NLRP13: variants seen among roughly 807,000 people sequenced by gnomAD.
NLRP13 encodes the protein NACHT, LRR and PYD domains-containing protein 13.
NLRP13 carries 82 observed loss-of-function variants against 94.4 expected under a neutral mutation model. The ratio of observed to expected loss-of-function variants is 0.87; its 90% CI spans 0.73 to 1.04. NLRP13 has a LOEUF of 1.04. Among genes scored for constraint, NLRP13 ranks in the 50% least tolerant of loss-of-function variants. The pLI, the probability that NLRP13 is intolerant of heterozygous loss-of-function variation, is 0.00. For missense variants in NLRP13, 1,426 were observed against 1,230.8 expected (o/e 1.16, Z -2.37); for synonymous variants, 553 against 464.7 (o/e 1.19, Z -2.45).
intron 9 of NLRP13, among the ~76,000 whole-genome samples, chr19:55,899,438 G>A (rs990751880): frequency 2.0e-5 from 3 of 152,020 alleles, no homozygotes; most frequent in African/African-American, 4.8e-5. Context: ...ACAAGGAAGC[G>A]ACAGGAGGAG....
intron 4 of NLRP13, among the ~76,000 whole-genome samples, chr19:55,920,743 C>T (rs73611412): frequency 0.036 from 5,473 of 152,010 alleles, 311 homozygotes; most frequent in African/African-American, 0.13. Context: ...CAAACAGTAT[C>T]ACTATTGGGT....
chr19:55,892,555 G>A (rs1253964392), downstream of NLRP13, among the ~76,000 whole-genome samples: 1 of 152,046 alleles, frequency 6.6e-6, no homozygotes, highest in Non-Finnish European at 1.5e-5. Flanking sequence ...CTGAATAGCT[G>A]GGATTATAGG....
chr19:55,931,217 C>T (rs1291846202), intron 1 of NLRP13, among the ~76,000 whole-genome samples: 2 of 152,082 alleles, frequency 1.3e-5, no homozygotes, highest in South Asian at 2.1e-4. Flanking sequence ...GAGGTACATG[C>T]CTGTGTGCAT....
At chr19:55,895,416 C>T (rs1300136875), downstream of NLRP13, among the ~76,000 whole-genome samples, 2 of 151,194 alleles carry the variant, frequency 1.3e-5, no homozygotes, top group East Asian at 2.0e-4. Flanking sequence ...GGCATGGTGG[C>T]TCATGCCTGT....
chr19:55,898,903 C>T lies in NLRP13; in HGVS notation c.2824G>A (p.Gly942Arg). The T allele has an allele frequency of 1.2e-6, 2 of 1,609,986 alleles. No homozygotes were observed. The highest frequency in any genetic ancestry group is 1.3e-5 in the African/African-American group (1 of 74,838). ...TGGCTGAGGGCATTAGCCAGCTCTCCACAGCCCTCTCTTGTGAAAGAACAA... is the reference window on the plus strand; with the variant it reads ...TGGCTGAGGGCATTAGCCAGCTCTCTACAGCCCTCTCTTGTGAAAGAACAA... ...SGCSFTREGC[G>R]ELANALSHNH... Residue 942 changes from glycine to arginine, a missense_variant, in exon 10 of 11, where the codon GGA becomes AGA. Physicochemically the swap from Gly to Arg is moderately radical, Grantham distance 125 (BLOSUM62 -2). Coordinates refer to ENST00000342929, the MANE Select transcript of NLRP13 (RefSeq NM_176810.2).
chr19:55,904,029 T>G (rs1986265972), intron 8 of NLRP13, among the ~76,000 whole-genome samples: 1 of 152,174 alleles, frequency 6.6e-6, no homozygotes, highest in South Asian at 2.1e-4. Flanking sequence ...TGCCATCTCC[T>G]ACCACTATCA....
At position 55,897,673 on chromosome 19, in the gene NLRP13, G is replaced by A. The variant is rs150809662; in HGVS notation, c.2957+1097C>T. ...TCTTAAATTTGGCACTGCAGATAAC[G>A]TTAACCTATTCATGTTTCTTTCAGG... On this transcript the variant is annotated intron_variant, in intron 10 of 10. Transcript: ENST00000342929. 4.0e-3 allele frequency among the ~76,000 whole-genome samples: 609 copies of A among 152,210 alleles called. 4 individuals carry two copies. Among genetic ancestry groups the A allele is most frequent in the African/African-American group, 0.014 (574 of 41,524 alleles).
rs201716484 is a variant in NLRP13 at position 55,912,265 on chromosome 19, C to T, written c.1552G>A (p.Glu518Lys). 112 of 1,614,012 alleles carry T rather than the reference C, an allele frequency of 6.9e-5. No individual in the cohort carries two copies. The highest frequency in any genetic ancestry group is 6.3e-4 in the South Asian group (57 of 91,082). Reference sequence around the variant, plus strand: ...TTGATCTTTTGAAGAATATTGAACTCGTAGAGAGAATCAATGAAAGGCACT... The same window carrying T: ...TTGATCTTTTGAAGAATATTGAACTTGTAGAGAGAATCAATGAAAGGCACT... Reference protein sequence around the residue: ...LEVPFIDSLYEFNILQKINDC... With the variant: ...LEVPFIDSLYKFNILQKINDC... The change falls in exon 5 of 11, where the codon GAG (glutamate) becomes AAG (lysine). Residue 518 changes from glutamate to lysine, a missense_variant. Physicochemically the swap from Glu to Lys is moderately conservative, Grantham distance 56. Transcript: ENST00000342929.
chr19:55,908,912 G>A (rs1037448971), intron 6 of NLRP13, among the ~76,000 whole-genome samples: 1 of 152,112 alleles, frequency 6.6e-6, no homozygotes, highest in Non-Finnish European at 1.5e-5. Flanking sequence ...GAACTTAAAT[G>A]TATTTTAAAA....
intron 1 of NLRP13, 65 bp from the exon 2 acceptor site, chr19:55,925,100 A>C: frequency 1.4e-6 from 2 of 1,411,174 alleles, no homozygotes; most frequent in Non-Finnish European, 2.0e-6. Flanking sequence ...GCAATAATGG[A>C]GTCTCTCAGT....
intron 4 of NLRP13, among the ~76,000 whole-genome samples, chr19:55,918,742 CAA>C (rs1986737772): frequency 6.6e-6 from 1 of 151,818 alleles, no homozygotes; most frequent in African/African-American, 2.4e-5. Context: ...AAATTAATAA[CAA>C]AAAAATCCCA....
rs773919962 is a variant in NLRP13 at position 55,912,313 on chromosome 19, C to A, written c.1504G>T (p.Asp502Tyr). The change falls in exon 5 of 11, where the codon GAC becomes TAC. Residue 502 changes from aspartate to tyrosine, a missense_variant. Coordinates refer to ENST00000342929, the MANE Select transcript of NLRP13 (RefSeq NM_176810.2). ...WSMNFTFNKEDTEIEGLEVPF... is the reference protein window; with the variant it reads ...WSMNFTFNKEYTEIEGLEVPF... ...ACTTCCAGGCCCTCGATCTCAGTGT[C>A]TTCTTTGTTAAACGTGAAGTTCATA... The A allele has an allele frequency of 4.3e-6, 7 of 1,613,992 alleles. No homozygotes were observed. The East Asian group carries it at 1.3e-4, about 31-fold the overall frequency.
intron 3 of NLRP13, among the ~76,000 whole-genome samples, 181 bp downstream of exon 3, chr19:55,924,409 C>T (rs771717676): frequency 4.6e-5 from 7 of 152,114 alleles, no homozygotes; most frequent in South Asian, 2.1e-4. Context: ...AGATATGAGC[C>T]GTTCTACTCA....
chr19:55,904,198 T>A (rs1304649732), intron 8 of NLRP13, among the ~76,000 whole-genome samples: 1 of 152,246 alleles, frequency 6.6e-6, no homozygotes, highest in Non-Finnish European at 1.5e-5. Context: ...GTTCTAGCGA[T>A]TCTCCTGCCT....
downstream of NLRP13, among the ~76,000 whole-genome samples, chr19:55,894,996 C>G (rs1306837106): frequency 6.6e-6 from 1 of 151,940 alleles, no homozygotes; most frequent in African/African-American, 2.4e-5. Context: ...CTAAAAGTGA[C>G]AGCAAAAACC....
Position 55,912,012 on chromosome 19 carries a change from T to A in NLRP13, c.1805A>T (p.Asp602Val), listed in dbSNP as rs754674319. The A allele has an allele frequency of 6.2e-7, 1 of 1,614,168 alleles. No homozygotes were observed. The change falls in exon 5 of 11, where the codon GAT becomes GTT. Residue 602 changes from aspartate (D) to valine (V), a missense_variant. Physicochemically the swap from Asp to Val is radical, Grantham distance 152. Transcript: ENST00000342929. ...GGGAGATATTTTACAATGCAAAGTA[T>A]CTTCCAGTTCTCTTGCTATGTTTTT... ...LNKNIARELE[D>V]TLHCKISPRV...
rs7249171 is a variant in NLRP13, at chr19:55,898,200, G to T, written c.2957+570C>A. Among the ~76,000 whole-genome samples, 1,034 of 135,532 alleles carry T rather than the reference G, an allele frequency of 7.6e-3. 13 individuals are homozygous for T. The highest frequency in any genetic ancestry group is 0.011 in the Non-Finnish European group (674 of 62,512). The allele number at this position is 135,532 out of a possible 152,430, so 88.9% of individuals were successfully genotyped here. ...CTTATCATCTAGCAGGAGAGTTTTT[G>T]TTTTTGTTTTTGTTTTTTTTTTTTT... On this transcript the variant is annotated intron_variant, in intron 10 of 10. Coordinates refer to ENST00000342929, the MANE Select transcript of NLRP13 (RefSeq NM_176810.2).
Position 55,911,899 on chromosome 19 carries a change from GAA to G in NLRP13, c.1916_1917del (p.Phe639SerfsTer21). Reference sequence around the variant, plus strand: ...TCCTCCTGGGACTCGTGTAGGCAGTGAAAAAGTCGTAGAATGTGAAATTGGAG... The same window carrying G: ...TCCTCCTGGGACTCGTGTAGGCAGTGAAAGTCGTAGAATGTGAAATTGGAG... The part of the protein sequence containing the change: ...ASLQFHILRL[F>X]HCLHESQEED... On this transcript the variant is annotated frameshift_variant, in exon 5 of 11. Transcript: ENST00000342929. LOFTEE classifies it high-confidence loss of function. 1 of 1,614,144 alleles carries G rather than the reference GAA, an allele frequency of 6.2e-7. No homozygotes were observed. Among genetic ancestry groups the G allele is most frequent in the South Asian group, 1.1e-5 (1 of 91,078 alleles).
In NLRP13 at chr19:55,898,811, C is replaced by A. The variant is rs774606216; in HGVS notation, c.2916G>T (p.Leu972=). ...CACGATGTGGTTTCAGAGCCTCACA[C>A]AGTAGCTTCACTCCATCATCCTGAA... ...NDLQDDGVKL[L]CEALKPHRAL... The change falls in exon 10 of 11, where the codon CTG becomes CTT. Residue 972 remains leucine, a synonymous_variant. Transcript: ENST00000342929. 7 of 1,613,496 alleles carry A rather than the reference C, an allele frequency of 4.3e-6. No individual in the cohort carries two copies. The highest frequency in any genetic ancestry group is 1.1e-5 in the South Asian group (1 of 90,942).
Sources: allele counts gnomAD v4.1 joint callset (sites outside exome capture counted in the v4.1 genomes callset), GRCh38; gene constraint gnomAD v4.1.1; transcripts MANE v1.5; gene names NCBI Gene and HGNC (gene_info 2026-07-23, HGNC 2026-07-21).